RBFOX1: variants seen among roughly 807,000 people sequenced by gnomAD.
RBFOX1 encodes the protein RNA binding protein fox-1 homolog 1.
In RBFOX1, 8 loss-of-function variants were observed where a neutral mutation model predicts 57.7. The observed-to-expected ratio is 0.14, with a 90% confidence interval of 0.08 to 0.25. The LOEUF (loss-of-function observed/expected upper bound fraction) is 0.25. RBFOX1 is among the 10% of genes least tolerant of loss of function. RBFOX1 has a pLI of 1.00. For synonymous variants in RBFOX1, 326 were observed against 222.4 expected (o/e 1.47, Z -4.15); for missense variants, 611 against 548.5 (o/e 1.11, Z -1.14).
intron 4 of RBFOX1, among the ~76,000 whole-genome samples, chr16:7,241,133 T>A (rs1239241697): frequency 6.6e-6 from 1 of 152,204 alleles, no homozygotes; most frequent in Non-Finnish European, 1.5e-5. Flanking sequence ...GAGGCAGAAG[T>A]ATCCCCTGCA....
chr16:5,583,377 C>T (rs1465681542), intron 2 of RBFOX1, among the ~76,000 whole-genome samples: 1 of 152,200 alleles, frequency 6.6e-6, no homozygotes, highest in Non-Finnish European at 1.5e-5. Flanking sequence ...GTTGGCCAAT[C>T]CCAGCGGCCA....
chr16:7,239,482 G>C (rs1027545816), intron 4 of RBFOX1, among the ~76,000 whole-genome samples: 2 of 152,160 alleles, frequency 1.3e-5, no homozygotes, highest in African/African-American at 4.8e-5. Context: ...CTGGGCAACA[G>C]AGCAAGACTG....
intron 3 of RBFOX1, among the ~76,000 whole-genome samples, chr16:6,664,985 G>C (rs563270289): frequency 1.3e-5 from 2 of 152,260 alleles, no homozygotes; most frequent in Non-Finnish European, 2.9e-5. Context: ...CTTGTGTGCC[G>C]CATTAGTCAG....
chr16:5,904,362 T>C (rs1474699041), intron 4 of RBFOX1, among the ~76,000 whole-genome samples: 1 of 152,124 alleles, frequency 6.6e-6, no homozygotes, highest in Non-Finnish European at 1.5e-5. Flanking sequence ...CAGAGGCTGC[T>C]CCATCACTTG....
chr16:6,775,628 C>G (rs976494431), intron 3 of RBFOX1: 2 of 152,182 alleles, frequency 1.3e-5, no homozygotes, highest in Admixed American at 6.5e-5. Context: ...CCCTCTCCCT[C>G]TCTCTGTCCC....
intron 4 of RBFOX1, among the ~76,000 whole-genome samples, chr16:7,155,678 T>A (rs1242579145): frequency 1.5e-5 from 2 of 129,450 alleles, no homozygotes; most frequent in Non-Finnish European, 3.1e-5. Flanking sequence ...GCCACTTGCC[T>A]TCCTCCCTTC....
chr16:7,615,696 G>C (rs902162350), intron 10 of RBFOX1, among the ~76,000 whole-genome samples: 16 of 151,952 alleles, frequency 1.1e-4, no homozygotes, highest in Non-Finnish European at 1.6e-4. Flanking sequence ...GGAAACATTT[G>C]TTTCATTGTT....
intron 3 of RBFOX1, among the ~76,000 whole-genome samples, chr16:6,841,680 T>C (rs12444330): frequency 6.6e-6 from 1 of 151,706 alleles, no homozygotes; most frequent in African/African-American, 2.4e-5. Flanking sequence ...TAGCCCTCTG[T>C]GGAAAATGAT....
intron 3 of RBFOX1, among the ~76,000 whole-genome samples, chr16:6,953,212 G>T (rs900433962): frequency 1.6e-4 from 25 of 152,060 alleles, no homozygotes; most frequent in Admixed American, 1.2e-3. Flanking sequence ...TGTGTCCGGT[G>T]CTCTCAGACC....
chr16:5,366,078 C>A (rs1430040950), intron 1 of RBFOX1: 2 of 471,672 alleles, frequency 4.2e-6, no homozygotes, highest in African/African-American at 2.0e-5. Context: ...TGAAATCATA[C>A]CACCAGTGCT....
intron 2 of RBFOX1, among the ~76,000 whole-genome samples, chr16:6,594,949 G>A (rs1202090008): frequency 5.9e-5 from 9 of 151,970 alleles, no homozygotes; most frequent in South Asian, 2.1e-4. Context: ...CCACCACACC[G>A]GGCTAATTTT....
At chr16:7,638,079 T>C (rs2062068713) in intron 11 of RBFOX1, among the ~76,000 whole-genome samples, 1 of 152,168 alleles carries the variant, frequency 6.6e-6, no homozygotes, top group Admixed American at 6.5e-5. Context: ...TCTATCTCCA[T>C]TACAGAGTTT....
chr16:7,553,165 G>A (rs948507572), intron 5 of RBFOX1, among the ~76,000 whole-genome samples: 1 of 151,702 alleles, frequency 6.6e-6, no homozygotes, highest in Non-Finnish European at 1.5e-5. Flanking sequence ...TCTTTTTAGA[G>A]ACAGGGTCTT....
chr16:7,673,508 A>G (rs908890246), intron 13 of RBFOX1, among the ~76,000 whole-genome samples: 1 of 152,164 alleles, frequency 6.6e-6, no homozygotes, highest in Non-Finnish European at 1.5e-5. Context: ...GGAGTTTGAC[A>G]GCAGCCTAGG....
intron 4 of RBFOX1, among the ~76,000 whole-genome samples, chr16:7,411,808 C>T (rs910244052): frequency 1.3e-5 from 2 of 149,102 alleles, no homozygotes; most frequent in Non-Finnish European, 3.0e-5. Flanking sequence ...GAGGCTGAGG[C>T]AGGAGAATCA....
At chr16:7,466,999 A>C (rs984085918) in intron 4 of RBFOX1, among the ~76,000 whole-genome samples, 6 of 152,220 alleles carry the variant, frequency 3.9e-5, no homozygotes, top group African/African-American at 1.4e-4. Context: ...GGCACCTGGA[A>C]AACAGAGGCG....
chr16:5,831,063 C>T (rs1324132739), intron 3 of RBFOX1, among the ~76,000 whole-genome samples: 1 of 152,144 alleles, frequency 6.6e-6, no homozygotes, highest in African/African-American at 2.4e-5. Context: ...TTCTCCTTAC[C>T]CACAGGGATA....
chr16:5,643,240 C>A (rs2048939603), intron 3 of RBFOX1, among the ~76,000 whole-genome samples: 1 of 152,208 alleles, frequency 6.6e-6, no homozygotes, highest in Non-Finnish European at 1.5e-5. Flanking sequence ...GTGAGCCCCG[C>A]TTTTGACCTT....
At chr16:6,974,202 C>G (rs370536353) in intron 3 of RBFOX1, among the ~76,000 whole-genome samples, 1 of 151,988 alleles carries the variant, frequency 6.6e-6, no homozygotes, top group African/African-American at 2.4e-5. Context: ...TGTTTTGATT[C>G]CATGTCTTTG....
Sources: gnomAD v4.1 joint callset for allele counts (sites outside exome capture counted in the v4.1 genomes callset) on GRCh38, gnomAD v4.1.1 for gene constraint, MANE v1.5 for transcripts, NCBI Gene and HGNC (gene_info 2026-07-23, HGNC 2026-07-21) for gene names.